Variants in SLC8A1 observed in about 807,000 individuals in gnomAD.
SLC8A1 encodes sodium/calcium exchanger 1.
SLC8A1 carries 18 observed loss-of-function variants against 68.3 expected under a neutral mutation model. That is an observed-to-expected ratio of 0.26 (90% CI 0.18 to 0.39). SLC8A1 has a LOEUF of 0.39. Ranked by LOEUF, SLC8A1 falls within the 10% of genes least tolerant of loss-of-function variation. The pLI, the probability that SLC8A1 is intolerant of heterozygous loss-of-function variation, is 1.00. For missense variants in SLC8A1, 985 were observed against 1,156.7 expected, an observed-to-expected ratio of 0.85 and a Z score of 2.15; for synonymous variants, 475 against 415.5, an observed-to-expected ratio of 1.14 and a Z score of -1.74.
In SLC8A1 at chr2:40,369,224, A is replaced by C. The variant is rs181518527; in HGVS notation, c.1808+59249T>G. Reference sequence around the variant, plus strand: ...AACTAAAGAGCTTCTGCAAGGCAAAAGAAACTGTCAACAGAGTAAAGAGAC... The same window carrying C: ...AACTAAAGAGCTTCTGCAAGGCAAACGAAACTGTCAACAGAGTAAAGAGAC... On this transcript the variant is annotated intron_variant, in intron 2 of 7. Transcript: ENST00000406785. Among the ~76,000 whole-genome samples the C allele has an allele frequency of 1.3e-4, 20 of 152,256 alleles. No homozygotes were observed. The East Asian group carries it at 3.3e-3, about 25-fold the overall frequency.
At chr2:40,264,380 G>T (rs1357791060) in intron 2 of SLC8A1, among the ~76,000 whole-genome samples, 1 of 151,990 alleles carries the variant, frequency 6.6e-6, no homozygotes, top group Admixed American at 6.6e-5. Flanking sequence ...AAATCATGCT[G>T]CTATAAAGAC....
chr2:40,419,927 C>A (rs758872937), intron 2 of SLC8A1, among the ~76,000 whole-genome samples: 1 of 151,970 alleles, frequency 6.6e-6, no homozygotes, highest in East Asian at 1.9e-4. Flanking sequence ...AATAATTTGC[C>A]GGCAAAAGGT....
At chr2:40,463,853 C>CACAT (rs1559748978) in intron 1 of SLC8A1, among the ~76,000 whole-genome samples, 25 of 126,926 alleles carry the variant, frequency 2.0e-4, no homozygotes, top group African/African-American at 7.5e-4. Context: ...CACACACACA[C>CACAT]ACACACACAC....
intron 2 of SLC8A1, among the ~76,000 whole-genome samples, chr2:40,327,143 T>G (rs924441286): frequency 7.2e-5 from 11 of 152,226 alleles, no homozygotes; most frequent in African/African-American, 2.7e-4. Flanking sequence ...CATATGCATG[T>G]TATACATTTG....
intron 2 of SLC8A1, among the ~76,000 whole-genome samples, chr2:40,313,047 T>A (rs913099969): frequency 8.5e-5 from 13 of 152,134 alleles, no homozygotes; most frequent in Non-Finnish European, 7.4e-5. Context: ...ACCTTTGCCA[T>A]AATCAAGGTA....
chr2:40,310,311 G>A (rs939707047), intron 2 of SLC8A1, among the ~76,000 whole-genome samples: 3 of 152,188 alleles, frequency 2.0e-5, no homozygotes, highest in Non-Finnish European at 2.9e-5. Context: ...AACCCAAGTA[G>A]TTGGGTTAAC....
rs537551251 is a variant in SLC8A1 at position 40,397,792 on chromosome 2, C to T, written c.1808+30681G>A. 2.0e-5 allele frequency among the ~76,000 whole-genome samples: 3 copies of T among 152,262 alleles called. No homozygotes were observed. In the East Asian group the frequency reaches 5.8e-4, roughly 29 times the overall value. ...GTCAAAGAAAAATATTATCTTTCTT[C>T]CCTGGGAATCACCAGCATTTGCACA... is the stretch of plus-strand genomic sequence containing the variant. On this transcript the variant is annotated intron_variant, in intron 2 of 7. Coordinates refer to ENST00000406785, the Ensembl canonical transcript of SLC8A1.
intron 2 of SLC8A1, among the ~76,000 whole-genome samples, chr2:40,199,214 A>G (rs2053664503): frequency 6.6e-6 from 1 of 151,766 alleles, no homozygotes; most frequent in South Asian, 2.1e-4. Context: ...TAGACAGAGG[A>G]ATTAAATAAT....
chr2:40,147,881 C>A (rs139325242), intron 6 of SLC8A1, among the ~76,000 whole-genome samples: 1 of 152,100 alleles, frequency 6.6e-6, no homozygotes, highest in Non-Finnish European at 1.5e-5. Context: ...GTGTACATCC[C>A]ACTTAGTCTT....
chr2:40,232,081 C>A (rs2148901033), intron 2 of SLC8A1, among the ~76,000 whole-genome samples: 1 of 151,860 alleles, frequency 6.6e-6, no homozygotes, highest in African/African-American at 2.4e-5. Flanking sequence ...GGGTCCAGTT[C>A]AAAAAATCAA....
At chr2:40,209,996 T>G (rs2056281369) in intron 2 of SLC8A1, 2 of 152,290 alleles carry the variant, frequency 1.3e-5, no homozygotes, top group Admixed American at 6.5e-5. Flanking sequence ...CCTCTATTGA[T>G]TGATCTGAGT....
At chr2:40,185,894 A>G (rs920566536) in intron 2 of SLC8A1, among the ~76,000 whole-genome samples, 5 of 152,298 alleles carry the variant, frequency 3.3e-5, no homozygotes, top group East Asian at 1.9e-4. Context: ...AAATTTTGCT[A>G]GTACAGCCAA....
chr2:40,281,963 A>G (rs553356412), intron 2 of SLC8A1, among the ~76,000 whole-genome samples: 13 of 152,172 alleles, frequency 8.5e-5, no homozygotes, highest in Non-Finnish European at 1.3e-4. Flanking sequence ...GGTAGTTCAC[A>G]GGAGTCTGTT....
At chr2:40,232,556 G>A (rs2059792363) in intron 2 of SLC8A1, among the ~76,000 whole-genome samples, 1 of 151,172 alleles carries the variant, frequency 6.6e-6, no homozygotes, top group Non-Finnish European at 1.5e-5. Context: ...CTTTGTGGAA[G>A]CAGTCCTAAT....
intron 2 of SLC8A1, among the ~76,000 whole-genome samples, chr2:40,390,464 G>C (rs558282227): frequency 2.0e-5 from 3 of 152,086 alleles, no homozygotes; most frequent in African/African-American, 4.8e-5. Context: ...TCCAAGTAGA[G>C]TCCCTGGACC....
At chr2:40,141,790 C>A (rs931478472) in intron 6 of SLC8A1, among the ~76,000 whole-genome samples, 1 of 152,024 alleles carries the variant, frequency 6.6e-6, no homozygotes, top group Non-Finnish European at 1.5e-5. Flanking sequence ...GAAAACAGAG[C>A]CATTAGGGTG....
chr2:40,204,428 T>C lies in SLC8A1; in HGVS notation c.1809-26573A>G, dbSNP rs142607835. The stretch of plus-strand genomic sequence containing the variant: ...GAGAGTAACCACAATGACAACTATG[T>C]ACTGCAATTTGCAGCAGAAATGACT... On this transcript the variant is annotated intron_variant, in intron 2 of 7. Transcript: ENST00000406785. 9.4e-3 allele frequency among the ~76,000 whole-genome samples: 1,434 copies of C among 152,152 alleles called. 75 individuals carry two copies. The highest frequency in any genetic ancestry group is 0.083 in the Admixed American group (1,272 of 15,264).
chr2:40,348,184 T>C (rs983876330), intron 2 of SLC8A1, among the ~76,000 whole-genome samples: 15 of 152,230 alleles, frequency 9.9e-5, no homozygotes, highest in Non-Finnish European at 1.0e-4. Flanking sequence ...GATTGAACTG[T>C]ACATGAAGAA....
At chr2:40,097,441 C>T (rs899768002) in exon 8 of SLC8A1, 17 of 152,006 alleles carry the variant, frequency 1.1e-4, no homozygotes, top group African/African-American at 4.1e-4. Context: ...ACAAACAATG[C>T]TTCTGCTTTT....
Sources: gnomAD v4.1 joint callset for allele counts (sites outside exome capture counted in the v4.1 genomes callset) on GRCh38, gnomAD v4.1.1 for gene constraint, MANE v1.5 for transcripts, NCBI Gene and HGNC (gene_info 2026-07-23, HGNC 2026-07-21) for gene names.